Variants in DIAPH2 observed in about 807,000 individuals in gnomAD.
DIAPH2 encodes the protein diaphanous related formin 2, also known as protein diaphanous homolog 2.
A neutral mutation model predicts 92.7 loss-of-function variants in DIAPH2; 35 were observed. The ratio of observed to expected loss-of-function variants is 0.38; its 90% CI spans 0.29 to 0.50. DIAPH2 has a LOEUF of 0.50. Among genes scored for constraint, DIAPH2 ranks in the 20% least tolerant of loss-of-function variants. The pLI is 0.94. For synonymous variants in DIAPH2, 301 were observed against 280.4 expected (o/e 1.07, Z -0.73); for missense variants, 701 against 819.5 (o/e 0.86, Z 1.77).
chrX:97,372,713 G>A (rs377189701), intron 24 of DIAPH2, among the ~76,000 whole-genome samples: 2 of 112,130 alleles, frequency 1.8e-5, no homozygotes, highest in Non-Finnish European at 3.8e-5. Flanking sequence ...GCTCAGGCCT[G>A]TAATCCCAGC....
At chrX:97,565,848 C>T (rs760527421) in intron 26 of DIAPH2, among the ~76,000 whole-genome samples, 6 of 111,845 alleles carry the variant, frequency 5.4e-5, no homozygotes, top group South Asian at 3.7e-4. Flanking sequence ...AGGCTTTTTC[C>T]GCAAGCCACA....
intron 22 of DIAPH2, among the ~76,000 whole-genome samples, chrX:97,158,039 A>G (rs778954819): frequency 1.6e-4 from 18 of 111,778 alleles, no homozygotes; most frequent in Non-Finnish European, 3.4e-4. Context: ...AATCCCAGTC[A>G]GTTTATTATA....
chrX:97,576,923 C>T lies in DIAPH2; in HGVS notation c.3242-22330C>T, dbSNP rs889683477. On this transcript the variant is annotated intron_variant, in intron 26 of 26. Coordinates refer to ENST00000324765, the MANE Select transcript of DIAPH2 (RefSeq NM_006729.5). ...TGATATTTATGGTTATGGTATTTTG[C>T]GACTAATGTTCAGAATAGGATAAAA... 9.9e-5 allele frequency among the ~76,000 whole-genome samples: 11 copies of T among 111,264 alleles called. No homozygotes were observed. The East Asian group carries it at 2.0e-3, about 20-fold the overall frequency.
At chrX:97,565,739 T>C (rs1443297489) in intron 26 of DIAPH2, among the ~76,000 whole-genome samples, 3 of 111,966 alleles carry the variant, frequency 2.7e-5, no homozygotes, top group Non-Finnish European at 5.6e-5. Context: ...GGAGCTAATT[T>C]TTGTGTCATC....
chrX:96,815,245 G>T (rs751526777), intron 4 of DIAPH2, among the ~76,000 whole-genome samples: 1 of 111,995 alleles, frequency 8.9e-6, no homozygotes, highest in East Asian at 2.8e-4. Context: ...AGCAATGGTG[G>T]ATGCCTCTCC....
chrX:97,429,543 T>C, intron 25 of DIAPH2, 107 bp from the exon 26 acceptor site: 1 of 1,031,340 alleles, frequency 9.7e-7, no homozygotes, highest in East Asian at 3.3e-5. Context: ...GATATATGTC[T>C]TTAATTTAGG....
At chrX:97,202,913 A>G (rs183672198) in intron 22 of DIAPH2, among the ~76,000 whole-genome samples, 4 of 112,372 alleles carry the variant, frequency 3.6e-5, no homozygotes, top group African/African-American at 1.3e-4. Flanking sequence ...AATGGACCAC[A>G]TAATTGGAAG....
intron 21 of DIAPH2, among the ~76,000 whole-genome samples, chrX:97,135,171 AAGAC>A (rs1355361222): frequency 2.8e-5 from 3 of 106,335 alleles, no homozygotes; most frequent in Non-Finnish European, 5.9e-5. Context: ...TAGGAGAACA[AAGAC>A]AGAATTTAGT....
intron 4 of DIAPH2, among the ~76,000 whole-genome samples, chrX:96,844,521 A>T (rs1472852599): frequency 8.9e-6 from 1 of 112,226 alleles, no homozygotes; most frequent in Non-Finnish European, 1.9e-5. Context: ...CAAGTTTTTA[A>T]TTCAGCTTCA....
At chrX:97,579,825 G>C (rs1469592282) in intron 26 of DIAPH2, among the ~76,000 whole-genome samples, 1 of 110,185 alleles carries the variant, frequency 9.1e-6, no homozygotes, top group Non-Finnish European at 1.9e-5. Flanking sequence ...CCATTTGTTT[G>C]TATCCTCTTT....
intron 23 of DIAPH2, among the ~76,000 whole-genome samples, chrX:97,263,556 G>GTTATTTATTTAT (rs201397413): frequency 1.0e-5 from 1 of 98,037 alleles, no homozygotes; most frequent in African/African-American, 3.7e-5. Context: ...TGTTCCAACT[G>GTTATTTATTTAT]TTATTTATTT....
At chrX:97,508,173 TA>T (rs925308940) in intron 26 of DIAPH2, among the ~76,000 whole-genome samples, 19 of 108,044 alleles carry the variant, frequency 1.8e-4, no homozygotes, top group South Asian at 3.9e-4. Flanking sequence ...ATGTGAGATC[TA>T]AAAAAAAAAT....
At chrX:97,341,767 C>G (rs777901259) in intron 23 of DIAPH2, among the ~76,000 whole-genome samples, 13 of 111,504 alleles carry the variant, frequency 1.2e-4, no homozygotes, top group Admixed American at 1.1e-3. Flanking sequence ...AGCATTCACC[C>G]TTCTCCACTT....
At chrX:97,152,773 A>T (rs976551075) in intron 22 of DIAPH2, among the ~76,000 whole-genome samples, 8 of 112,532 alleles carry the variant, frequency 7.1e-5, no homozygotes, top group African/African-American at 2.6e-4. Context: ...CTATTTCTCA[A>T]CACCTCCATG....
chrX:97,137,624 T>G, intron 21 of DIAPH2, among the ~76,000 whole-genome samples: 1 of 109,685 alleles, frequency 9.1e-6, no homozygotes, highest in African/African-American at 3.3e-5. Flanking sequence ...TCTTGGCGGA[T>G]AAAAAGGAAC....
At chrX:97,157,037 G>A (rs766276811) in intron 22 of DIAPH2, among the ~76,000 whole-genome samples, 57 of 111,346 alleles carry the variant, frequency 5.1e-4, no homozygotes, top group South Asian at 3.8e-4. Flanking sequence ...TTTACTGGCC[G>A]GGCGCGGTGG....
At chrX:97,241,006 C>G (rs948043100) in intron 22 of DIAPH2, among the ~76,000 whole-genome samples, 32 of 111,177 alleles carry the variant, frequency 2.9e-4, no homozygotes, top group Non-Finnish European at 4.7e-4. Context: ...CATTCCTACC[C>G]CATCCAATTC....
chrX:97,531,611 T>C (rs1408657163), intron 26 of DIAPH2, among the ~76,000 whole-genome samples: 2 of 112,202 alleles, frequency 1.8e-5, no homozygotes, highest in African/African-American at 6.5e-5. Flanking sequence ...CACATATCTG[T>C]GTGCATCCAT....
intron 17 of DIAPH2, among the ~76,000 whole-genome samples, chrX:97,025,782 T>C (rs1354179476): frequency 8.9e-6 from 1 of 112,748 alleles, no homozygotes; most frequent in African/African-American, 3.2e-5. Flanking sequence ...TGTGGTAATA[T>C]TAATTTTTAT....
Sources: allele counts gnomAD v4.1 joint callset (sites outside exome capture counted in the v4.1 genomes callset), GRCh38; gene constraint gnomAD v4.1.1; transcripts MANE v1.5; gene names NCBI Gene and HGNC (gene_info 2026-07-23, HGNC 2026-07-21).